The following ZNF423 variants were observed in gnomAD, a reference collection of about 807,000 sequenced individuals.
ZNF423 encodes Ebf-associated zinc finger protein.
Under a neutral mutation model 95.8 loss-of-function variants are expected in ZNF423, and 12 were observed. The observed-to-expected ratio is 0.13, with a 90% CI of 0.08 to 0.20. The LOEUF (loss-of-function observed/expected upper bound fraction) is 0.20. Ranked by LOEUF, ZNF423 falls within the 10% of genes least tolerant of loss-of-function variation. ZNF423 has a pLI of 1.00. For missense variants in ZNF423, 1,316 were observed against 1,737.1 expected, an observed-to-expected ratio of 0.76 and a Z score of 4.31; for synonymous variants, 749 against 711.9, an observed-to-expected ratio of 1.05 and a Z score of -0.83.
intron 5 of ZNF423, among the ~76,000 whole-genome samples, chr16:49,560,280 G>A (rs943996271): frequency 4.6e-5 from 7 of 152,132 alleles, no homozygotes; most frequent in African/African-American, 1.4e-4. Context: ...AATCATTTCC[G>A]TGAATCTTTA....
chr16:49,779,070 C>A (rs2034167594), intron 2 of ZNF423, among the ~76,000 whole-genome samples: 1 of 152,176 alleles, frequency 6.6e-6, no homozygotes, highest in Admixed American at 6.5e-5. Context: ...AGGCCCTGCA[C>A]TTCCCAGGAC....
rs528719378 is a variant in ZNF423, at chr16:49,525,803, C to T, written c.3602-309G>A. 6.6e-5 allele frequency among the ~76,000 whole-genome samples: 10 copies of T among 152,322 alleles called. No homozygotes were observed. In the East Asian group the frequency reaches 1.9e-3, roughly 29 times the overall value. Reference sequence around the variant, plus strand: ...CAGCTTGAGTCCCAAGACTGGGTCACTGTGCAGAGGCACCCAGGATGAGGT... The same window carrying T: ...CAGCTTGAGTCCCAAGACTGGGTCATTGTGCAGAGGCACCCAGGATGAGGT... On this transcript the variant is annotated intron_variant, in intron 5 of 7. Transcript: ENST00000563137.
At chr16:49,794,102 T>A (rs1395083747) in intron 1 of ZNF423, among the ~76,000 whole-genome samples, 2 of 152,042 alleles carry the variant, frequency 1.3e-5, no homozygotes, top group Non-Finnish European at 2.9e-5. Flanking sequence ...AGTGGTGTGA[T>A]CACAGCTCAC....
chr16:49,576,182 A>G (rs536267564), intron 5 of ZNF423, among the ~76,000 whole-genome samples: 4 of 152,302 alleles, frequency 2.6e-5, no homozygotes, highest in South Asian at 4.1e-4. Context: ...GGCCCTCATC[A>G]TATTTCCTGC....
chr16:49,738,316 G>A (rs1045497960), intron 2 of ZNF423, among the ~76,000 whole-genome samples: 1 of 152,090 alleles, frequency 6.6e-6, no homozygotes, highest in African/African-American at 2.4e-5. Flanking sequence ...AAGAGGATAC[G>A]CTAAGTAGTA....
chr16:49,818,133 A>C (rs1232772698), intron 1 of ZNF423, among the ~76,000 whole-genome samples: 1 of 152,132 alleles, frequency 6.6e-6, no homozygotes, highest in South Asian at 2.1e-4. Context: ...GCTTCTGTGC[A>C]GTTGAAATCT....
intron 2 of ZNF423, among the ~76,000 whole-genome samples, chr16:49,735,475 A>C (rs1359033711): frequency 6.6e-6 from 1 of 151,990 alleles, no homozygotes; most frequent in Non-Finnish European, 1.5e-5. Context: ...CTCCCACCCC[A>C]CCTGCCCTTC....
chr16:49,576,111 A>G (rs1383388301), intron 5 of ZNF423, among the ~76,000 whole-genome samples: 1 of 152,192 alleles, frequency 6.6e-6, no homozygotes, highest in East Asian at 1.9e-4. Flanking sequence ...ATACCCAGAC[A>G]TGGAACCAGA....
chr16:49,719,981 G>A (rs1317220069), intron 3 of ZNF423, among the ~76,000 whole-genome samples: 1 of 152,160 alleles, frequency 6.6e-6, no homozygotes, highest in Admixed American at 6.5e-5. Context: ...CTTGGTGGCT[G>A]CCCAGCCTCT....
At chr16:49,633,010 C>G (rs1015647138) in intron 4 of ZNF423, among the ~76,000 whole-genome samples, 1 of 152,156 alleles carries the variant, frequency 6.6e-6, no homozygotes, top group Non-Finnish European at 1.5e-5. Flanking sequence ...TGTGACCACC[C>G]GGGACCCCAC....
chr16:49,580,857 C>T (rs1266598764), intron 5 of ZNF423, among the ~76,000 whole-genome samples: 1 of 152,088 alleles, frequency 6.6e-6, no homozygotes. Flanking sequence ...CTCTGTGGAT[C>T]GTGAGAGCAT....
At chr16:49,660,473 G>A (rs1174349037) in intron 3 of ZNF423, among the ~76,000 whole-genome samples, 5 of 152,192 alleles carry the variant, frequency 3.3e-5, no homozygotes, top group Admixed American at 2.6e-4. Flanking sequence ...CTGTAAGGTG[G>A]GGCCTAGGAG....
At chr16:49,620,002 T>C (rs1022864849) in intron 5 of ZNF423, among the ~76,000 whole-genome samples, 1 of 152,090 alleles carries the variant, frequency 6.6e-6, no homozygotes, top group African/African-American at 2.4e-5. Flanking sequence ...AGGGTCCAAA[T>C]GGCAGCTTGA....
At chr16:49,797,068 T>G (rs964248565) in intron 1 of ZNF423, among the ~76,000 whole-genome samples, 2 of 152,072 alleles carry the variant, frequency 1.3e-5, no homozygotes, top group Admixed American at 6.6e-5. Context: ...AAGGGGCACG[T>G]GACTGCCCCT....
chr16:49,752,981 C>T (rs1418126509), intron 2 of ZNF423, among the ~76,000 whole-genome samples: 1 of 152,184 alleles, frequency 6.6e-6, no homozygotes, highest in Non-Finnish European at 1.5e-5. Context: ...CAGTGGCTCA[C>T]GCCTGTAATC....
chr16:49,819,953 A>G (rs746393220), intron 1 of ZNF423, among the ~76,000 whole-genome samples: 25 of 152,172 alleles, frequency 1.6e-4, no homozygotes, highest in Admixed American at 8.5e-4. Flanking sequence ...TGTTCCAAGT[A>G]TGTTAAGATA....
chr16:49,820,238 C>T (rs190017902), intron 1 of ZNF423, among the ~76,000 whole-genome samples: 1 of 152,192 alleles, frequency 6.6e-6, no homozygotes, highest in Non-Finnish European at 1.5e-5. Context: ...GACCCCCTAC[C>T]TCCCTTGATT....
intron 2 of ZNF423, among the ~76,000 whole-genome samples, chr16:49,744,400 C>G (rs1175211743): frequency 1.3e-5 from 2 of 151,842 alleles, no homozygotes; most frequent in Admixed American, 6.5e-5. Flanking sequence ...GGCGGGGTGT[C>G]CCCAGGCTGA....
upstream of ZNF423, among the ~76,000 whole-genome samples, chr16:49,858,634 C>A (rs1250877216): frequency 6.6e-6 from 1 of 151,512 alleles, no homozygotes; most frequent in Non-Finnish European, 1.5e-5. This position sits in a 1 kb window ranked among gnomAD's most constrained non-coding sequence, Gnocchi z 4.3. Context: ...CCCAGGTTAG[C>A]GCTACCATCC....
Sources: allele counts gnomAD v4.1 joint callset (sites outside exome capture counted in the v4.1 genomes callset), GRCh38; gene constraint gnomAD v4.1.1; non-coding constraint Gnocchi (gnomAD v3.1); transcripts MANE v1.5; gene names NCBI Gene and HGNC (gene_info 2026-07-23, HGNC 2026-07-21).